The following TAF4B variants were observed in gnomAD, a reference collection of about 807,000 sequenced individuals.
The protein encoded by TAF4B is transcription initiation factor TFIID subunit 4B.
TAF4B carries 38 observed loss-of-function variants against 86.4 expected under a neutral mutation model. That is an observed-to-expected ratio of 0.44 (90% confidence interval 0.34 to 0.58). The LOEUF is 0.58. TAF4B is among the 20% of genes least tolerant of loss of function. The pLI is 0.02. For missense variants in TAF4B, 988 were observed against 1,027.6 expected, an observed-to-expected ratio of 0.96 and a Z score of 0.53; for synonymous variants, 388 against 391.2, an observed-to-expected ratio of 0.99 and a Z score of 0.10.
intron 14 of TAF4B, among the ~76,000 whole-genome samples, chr18:26,383,238 C>G (rs1255979546): frequency 6.6e-6 from 1 of 152,126 alleles, no homozygotes; most frequent in Non-Finnish European, 1.5e-5. Context: ...ACAATTTTGT[C>G]AGATTATTTT....
intron 12 of TAF4B, 74 bp from the exon 13 acceptor site, chr18:26,335,101 T>C (rs2057080160): frequency 6.6e-6 from 7 of 1,067,034 alleles, no homozygotes; most frequent in Non-Finnish European, 9.8e-6. Context: ...AATTGTCATT[T>C]ATTAAATATT....
At position 26,357,774 on chromosome 18, in the gene TAF4B, C is replaced by T. The variant is rs199828786; in HGVS notation, c.2401C>T (p.Pro801Ser). Reference protein sequence around the residue: ...LAAIGPRKKRPLESGIEGLKD... With the variant: ...LAAIGPRKKRSLESGIEGLKD... ...AGCTATTGGACCAAGGAAGAAGAGA[C>T]CACTAGAATCTGGAATTGAGGTATT... The change falls in exon 14 of 15, where the codon CCA becomes TCA. Residue 801 changes from proline to serine, a missense_variant. Physicochemically the swap from Pro to Ser is moderately conservative, Grantham distance 74. Coordinates refer to ENST00000269142, the MANE Select transcript of TAF4B (RefSeq NM_005640.3). 26 of 1,609,186 alleles carry T rather than the reference C, an allele frequency of 1.6e-5. 1 individual carries two copies. In the Middle Eastern group the frequency reaches 6.7e-4, roughly 41 times the overall value.
At chr18:26,265,137 C>A in intron 1 of TAF4B, 33 bp from the exon 2 acceptor site, 1 of 1,598,204 alleles carries the variant, frequency 6.3e-7, no homozygotes, top group South Asian at 1.1e-5. Context: ...TTTAGTGGCT[C>A]AGAGGTCACT....
intron 1 of TAF4B, among the ~76,000 whole-genome samples, chr18:26,244,898 A>G (rs1598718566): frequency 6.6e-6 from 1 of 152,212 alleles, no homozygotes; most frequent in Non-Finnish European, 1.5e-5. Context: ...CTTGGGCGAC[A>G]TAACTTTGAG....
At chr18:26,272,055 C>G (rs1318519496) in intron 3 of TAF4B, among the ~76,000 whole-genome samples, 2 of 151,848 alleles carry the variant, frequency 1.3e-5, no homozygotes, top group Admixed American at 1.3e-4. Flanking sequence ...AATTGAATCT[C>G]GGGTCACCAC....
chr18:26,332,141 T>A (rs992499606), intron 12 of TAF4B, among the ~76,000 whole-genome samples: 3 of 152,198 alleles, frequency 2.0e-5, no homozygotes, highest in Non-Finnish European at 4.4e-5. Flanking sequence ...CTTAGAAAGT[T>A]GCAATTACCA....
chr18:26,250,744 A>G (rs2055994526), intron 1 of TAF4B, among the ~76,000 whole-genome samples: 1 of 152,204 alleles, frequency 6.6e-6, no homozygotes, highest in Admixed American at 6.5e-5. Context: ...AAAATAATAC[A>G]TACATATAAA....
At chr18:26,262,952 T>TA (rs1568112601) in intron 1 of TAF4B, among the ~76,000 whole-genome samples, 14 of 152,158 alleles carry the variant, frequency 9.2e-5, no homozygotes, top group African/African-American at 3.4e-4. Flanking sequence ...TTTTTTTTTT[T>TA]TAAAAGATTT....
At chr18:26,386,132 GGT>G (rs1294311502) in intron 14 of TAF4B, among the ~76,000 whole-genome samples, 1 of 152,064 alleles carries the variant, frequency 6.6e-6, no homozygotes, top group African/African-American at 2.4e-5. Flanking sequence ...TGTCCCTTGG[GGT>G]TTTTTTCATT....
chr18:26,307,237 T>C (rs926056079), intron 9 of TAF4B, among the ~76,000 whole-genome samples: 5 of 151,754 alleles, frequency 3.3e-5, no homozygotes, highest in Admixed American at 3.3e-4. Flanking sequence ...ATTTTCATAG[T>C]TTTTAAAAAC....
chr18:26,309,428 A>T (rs2056832139), intron 9 of TAF4B, among the ~76,000 whole-genome samples: 1 of 151,996 alleles, frequency 6.6e-6, no homozygotes, highest in Non-Finnish European at 1.5e-5. Flanking sequence ...TTAGAATCTA[A>T]ATTTGGAAGA....
chr18:26,308,358 T>C (rs546832223), intron 9 of TAF4B, among the ~76,000 whole-genome samples: 4 of 152,314 alleles, frequency 2.6e-5, no homozygotes, highest in African/African-American at 7.2e-5. Context: ...TATGTTGTCA[T>C]AGTAAAGTTA....
Position 26,292,298 on chromosome 18 carries a change from A to G in TAF4B, c.1643A>G (p.His548Arg), listed in dbSNP as rs775815905. 2 of 1,614,208 alleles carry G rather than the reference A, an allele frequency of 1.2e-6. No homozygotes were observed. The highest frequency in any genetic ancestry group is 1.3e-5 in the African/African-American group (1 of 75,064). ...GNEKQVTTISHSSTLTIQKCG... is the reference protein window; with the variant it reads ...GNEKQVTTISRSSTLTIQKCG... Reference sequence around the variant, plus strand: ...GAAAAACAAGTGACCACAATTTCACATTCCTCAACATTGACCATTCAGAAA... The same window carrying G: ...GAAAAACAAGTGACCACAATTTCACGTTCCTCAACATTGACCATTCAGAAA... Residue 548 changes from histidine (H) to arginine (R), a missense_variant, in exon 8 of 15, where the codon CAT becomes CGT. This residue lies in a region of TAF4B where 747 missense variants were observed against 737.9 expected (regional missense o/e 1.01). Coordinates refer to ENST00000269142, the MANE Select transcript of TAF4B (RefSeq NM_005640.3).
intron 14 of TAF4B, among the ~76,000 whole-genome samples, chr18:26,360,673 A>C (rs1165628259): frequency 6.6e-6 from 1 of 152,174 alleles, no homozygotes; most frequent in Non-Finnish European, 1.5e-5. Context: ...GTCCTCTCTC[A>C]TTCTCCCTTA....
intron 14 of TAF4B, among the ~76,000 whole-genome samples, chr18:26,372,480 C>G (rs1271007494): frequency 6.6e-6 from 1 of 152,174 alleles, no homozygotes; most frequent in East Asian, 1.9e-4. Flanking sequence ...TTCTGTATAC[C>G]TATTAGTAAA....
intron 6 of TAF4B, among the ~76,000 whole-genome samples, chr18:26,282,390 G>A (rs1042926091): frequency 5.9e-5 from 9 of 152,164 alleles, no homozygotes; most frequent in Non-Finnish European, 1.0e-4. Context: ...AATAAAGTGA[G>A]TCATATGAAA....
intron 11 of TAF4B, among the ~76,000 whole-genome samples, chr18:26,326,768 A>T (rs899975410): frequency 6.6e-5 from 10 of 152,186 alleles, no homozygotes; most frequent in Non-Finnish European, 1.5e-4. Flanking sequence ...AATGATGTTT[A>T]CTAGCAAAGT....
chr18:26,313,678 T>TC (rs915046940), intron 9 of TAF4B, among the ~76,000 whole-genome samples: 1 of 152,088 alleles, frequency 6.6e-6, no homozygotes, highest in African/African-American at 2.4e-5. Flanking sequence ...GAGTTTTTTT[T>TC]TTTTAAACAC....
intron 9 of TAF4B, among the ~76,000 whole-genome samples, chr18:26,311,636 C>T (rs929407493): frequency 1.2e-4 from 18 of 152,048 alleles, no homozygotes; most frequent in South Asian, 4.2e-4. Context: ...AACAAAAAAA[C>T]AAGCATAGGA....
Sources: gnomAD v4.1 joint callset for allele counts (sites outside exome capture counted in the v4.1 genomes callset) on GRCh38, gnomAD v4.1.1 for gene constraint, gnomAD v4.1.1 regional missense constraint, MANE v1.5 for transcripts, NCBI Gene and HGNC (gene_info 2026-07-23, HGNC 2026-07-21) for gene names.